SKI: variants seen among roughly 807,000 people sequenced by gnomAD.
SKI encodes SKI proto-oncogene.
In SKI, 23 loss-of-function variants were observed where a neutral mutation model predicts 59.3. The ratio of observed to expected loss-of-function variants is 0.39; its 90% CI spans 0.28 to 0.55. The LOEUF (loss-of-function observed/expected upper bound fraction) is 0.55. Among genes scored for constraint, SKI ranks in the 20% least tolerant of loss-of-function variants. The probability of loss-of-function intolerance (pLI) is 0.67; values close to 1 mark genes in which losing one functional copy is unlikely to be tolerated. For synonymous variants in SKI, 673 were observed against 488.6 expected, an observed-to-expected ratio of 1.38 and a Z score of -4.98; for missense variants, 1,017 against 1,038.9, an observed-to-expected ratio of 0.98 and a Z score of 0.29.
In SKI at chr1:2,306,827, G is replaced by T; in HGVS notation, c.*62G>T. ...GGGTGCAGGGGGGCGCGGCTGGGCG[G>T]TGCAGCTCCGCCCGGCTCCGCCCCT... On this transcript the variant is annotated 3_prime_UTR_variant, in exon 7 of 7. Transcript: ENST00000378536. 2 of 1,217,166 alleles carry T rather than the reference G, an allele frequency of 1.6e-6. No homozygotes were observed. The highest frequency in any genetic ancestry group is 2.1e-6 in the Non-Finnish European group (2 of 946,402). 75.4% of individuals were successfully genotyped at this position (1,217,166 alleles called of 1,614,324 possible). A position where few individuals can be genotyped will look rare whatever the true frequency, so the allele number is the denominator to read the frequency against.
intron 1 of SKI, among the ~76,000 whole-genome samples, chr1:2,240,028 AT>A (rs1035154145): frequency 2.6e-5 from 4 of 151,724 alleles, no homozygotes; most frequent in African/African-American, 9.7e-5. Flanking sequence ...TTGGATTGTG[AT>A]TTCTTTGGTG....
chr1:2,228,765 C>A lies in SKI; in HGVS notation c.-2C>A. On this transcript the variant is annotated 5_prime_UTR_variant, in exon 1 of 7. Transcript: ENST00000378536. ...GAGCGGCCGGGGGAGCCGGAGCGCA[C>A]CATGGAGGCGGCGGCAGGCGGCCGC... The A allele has an allele frequency of 7.9e-7, 1 of 1,259,328 alleles. No homozygotes were observed. The highest frequency in any genetic ancestry group is 1.0e-6 in the Non-Finnish European group (1 of 986,842). 78.0% of individuals were successfully genotyped at this position (1,259,328 alleles called of 1,614,324 possible).
Position 2,303,970 on chromosome 1 carries a change from A to C in SKI, c.1342A>C (p.Thr448Pro), listed in dbSNP as rs1421529806. 2 of 1,612,208 alleles carry C rather than the reference A, an allele frequency of 1.2e-6. No individual in the cohort carries two copies. Among genetic ancestry groups the C allele is most frequent in the Non-Finnish European group, 1.7e-6 (2 of 1,179,812 alleles). The change falls in exon 4 of 7, where the codon ACT becomes CCT. Residue 448 changes from threonine (T) to proline (P), a missense_variant. Transcript: ENST00000378536. This position sits in a 1 kb window ranked among gnomAD's most constrained non-coding sequence, Gnocchi z 5.6. ...CTCCCGGGCCCCCGAGCCTCTCGCC[A>C]CTTGCACCCAGCCTCGGAAGCGGAA... ...AVSRAPEPLA[T>P]CTQPRKRKLT...
chr1:2,283,983 C>T (rs574407868), intron 1 of SKI, among the ~76,000 whole-genome samples: 4 of 152,308 alleles, frequency 2.6e-5, no homozygotes, highest in Admixed American at 1.3e-4. Context: ...TGTCTGCCCG[C>T]AGCTAGTGCC....
intron 1 of SKI, among the ~76,000 whole-genome samples, chr1:2,298,436 A>AT (rs1217686017): frequency 2.0e-5 from 3 of 152,006 alleles, no homozygotes; most frequent in Non-Finnish European, 4.4e-5. Flanking sequence ...CGGCTCCTGG[A>AT]TTGGCTGCCC....
intron 1 of SKI, among the ~76,000 whole-genome samples, chr1:2,301,644 C>T (rs1198168329): frequency 6.6e-6 from 1 of 152,132 alleles, no homozygotes; most frequent in Non-Finnish European, 1.5e-5. Flanking sequence ...AGCAGGGTCC[C>T]TGCTGCCTCC....
chr1:2,229,476 A>G lies in SKI; in HGVS notation c.710A>G (p.Tyr237Cys). The G allele has an allele frequency of 6.2e-7, 1 of 1,611,718 alleles. No individual in the cohort carries two copies. Among genetic ancestry groups the G allele is most frequent in the Non-Finnish European group, 8.5e-7 (1 of 1,179,816 alleles). The change falls in exon 1 of 7, where the codon TAC becomes TGC. Residue 237 changes from tyrosine (Y) to cysteine (C), a missense_variant. Tyr to Cys is a radical substitution (Grantham distance 194). Transcript: ENST00000378536. This position sits in a 1 kb window ranked among gnomAD's most constrained non-coding sequence, Gnocchi z 6.3. ...AAGGGGCTGCTGGTGCCCGAGCTCT[A>G]CAGCAGCCCGAGCGCCGCCTGCATC... Reference protein sequence around the residue: ...KCKGLLVPELYSSPSAACIQC... With the variant: ...KCKGLLVPELCSSPSAACIQC...
chr1:2,238,284 C>T lies in SKI; in HGVS notation c.969+8549C>T, dbSNP rs554907120. Among the ~76,000 whole-genome samples, 6 of 152,378 alleles carry T rather than the reference C, an allele frequency of 3.9e-5. No individual in the cohort carries two copies. The South Asian group carries it at 6.2e-4, about 16-fold the overall frequency. The stretch of plus-strand genomic sequence containing the variant: ...TGGCAGTGGATGGCAGCTCCAGCTG[C>T]CCGTGGCCCTCTTTTTTTATGGTTT... On this transcript the variant is annotated intron_variant, in intron 1 of 6. Coordinates refer to ENST00000378536, the MANE Select transcript of SKI (RefSeq NM_003036.4).
At chr1:2,232,011 G>A (rs1330786213) in intron 1 of SKI, among the ~76,000 whole-genome samples, 1 of 152,232 alleles carries the variant, frequency 6.6e-6, no homozygotes. Flanking sequence ...CACATGAGAA[G>A]GGAGTGTGGT....
intron 1 of SKI, among the ~76,000 whole-genome samples, chr1:2,300,603 C>T (rs1640400405): frequency 6.6e-6 from 1 of 152,236 alleles, no homozygotes; most frequent in Admixed American, 6.5e-5. Flanking sequence ...GTGACAGTCC[C>T]TCTGAGAGTG....
At chr1:2,287,866 G>A (rs1345931698) in intron 1 of SKI, among the ~76,000 whole-genome samples, 3 of 152,182 alleles carry the variant, frequency 2.0e-5, no homozygotes, top group East Asian at 3.8e-4. Context: ...GCATGGCACC[G>A]CCCTCCGGCC....
At chr1:2,244,850 T>G (rs546218345) in intron 1 of SKI, among the ~76,000 whole-genome samples, 1 of 152,332 alleles carries the variant, frequency 6.6e-6, no homozygotes, top group African/African-American at 2.4e-5. Context: ...ATGCCATTGG[T>G]GACCAAAAGA....
chr1:2,279,999 C>T (rs943467191), intron 1 of SKI, among the ~76,000 whole-genome samples: 2 of 152,178 alleles, frequency 1.3e-5, no homozygotes, highest in Non-Finnish European at 2.9e-5. Context: ...CTCCACTCCT[C>T]AGCCATTCAG....
At chr1:2,280,575 A>C in intron 1 of SKI, among the ~76,000 whole-genome samples, 1 of 148,506 alleles carries the variant, frequency 6.7e-6, no homozygotes, top group Admixed American at 6.7e-5. Context: ...ACACCTGAGA[A>C]GACAGGCGGC....
intron 1 of SKI, among the ~76,000 whole-genome samples, chr1:2,260,678 C>G (rs1322461752): frequency 6.6e-6 from 1 of 151,326 alleles, no homozygotes; most frequent in Non-Finnish European, 1.5e-5. Flanking sequence ...CTAGCTGAGA[C>G]TACAGGCACA....
chr1:2,246,220 G>A (rs1310972453), intron 1 of SKI, among the ~76,000 whole-genome samples: 1 of 152,094 alleles, frequency 6.6e-6, no homozygotes, highest in South Asian at 2.1e-4. Flanking sequence ...TTTTGACAGC[G>A]GCCATCCTAA....
At chr1:2,278,204 C>T (rs1639787948) in intron 1 of SKI, among the ~76,000 whole-genome samples, 1 of 152,202 alleles carries the variant, frequency 6.6e-6, no homozygotes, top group African/African-American at 2.4e-5. Context: ...GTCTCTGTGC[C>T]CCACCCATCA....
intron 5 of SKI, among the ~76,000 whole-genome samples, chr1:2,305,045 G>A (rs1213998132): frequency 2.6e-5 from 4 of 152,244 alleles, no homozygotes; most frequent in Non-Finnish European, 5.9e-5. Context: ...AAACACAGGC[G>A]TGAGGGGCGT....
chr1:2,229,006 G>A lies in SKI; in HGVS notation c.240G>A (p.Gln80=), dbSNP rs1355164551. The change falls in exon 1 of 7, where the codon CAG becomes CAA. Residue 80 remains glutamine (Q), a synonymous_variant. Coordinates refer to ENST00000378536, the MANE Select transcript of SKI (RefSeq NM_003036.4). This position sits in a 1 kb window ranked among gnomAD's most constrained non-coding sequence, Gnocchi z 6.3. The part of the protein sequence containing the change: ...PPPVLHLPAI[Q]PPPPVLPGPF... Reference sequence around the variant, plus strand: ...CCGTGCTGCACCTGCCCGCCATCCAGCCGCCGCCGCCCGTGCTGCCCGGGC... The same window carrying A: ...CCGTGCTGCACCTGCCCGCCATCCAACCGCCGCCGCCCGTGCTGCCCGGGC... The A allele has an allele frequency of 6.4e-7, 1 of 1,568,916 alleles. No homozygotes were observed.
Sources: allele counts gnomAD v4.1 joint callset (sites outside exome capture counted in the v4.1 genomes callset), GRCh38; gene constraint gnomAD v4.1.1; non-coding constraint Gnocchi (gnomAD v3.1); transcripts MANE v1.5; gene names NCBI Gene and HGNC (gene_info 2026-07-23, HGNC 2026-07-21).